The following GFRA2 variants were observed in gnomAD, a reference collection of about 807,000 sequenced individuals.
The protein encoded by GFRA2 is GDNF family receptor alpha-2.
A neutral mutation model predicts 48.3 loss-of-function variants in GFRA2; 17 were observed. That is an observed-to-expected ratio of 0.35 (90% CI 0.24 to 0.53). The LOEUF is 0.53. GFRA2 is among the 20% of genes least tolerant of loss of function. GFRA2 has a pLI of 0.93. For missense variants in GFRA2, 660 were observed against 637.3 expected, an observed-to-expected ratio of 1.04 and a Z score of -0.38; for synonymous variants, 305 against 257.2, an observed-to-expected ratio of 1.19 and a Z score of -1.78.
intron 4 of GFRA2, among the ~76,000 whole-genome samples, chr8:21,722,597 C>T (rs770908067): frequency 7.2e-5 from 11 of 152,190 alleles, no homozygotes; most frequent in Non-Finnish European, 1.6e-4. Flanking sequence ...GTCTCGCCCG[C>T]ATGCAGTGAG....
intron 7 of GFRA2, among the ~76,000 whole-genome samples, chr8:21,696,927 G>A (rs1399036326): frequency 7.7e-6 from 1 of 129,738 alleles, no homozygotes; most frequent in Admixed American, 7.8e-5. Flanking sequence ...ATAGTAGAGG[G>A]AAGGGGACAG....
intron 1 of GFRA2, among the ~76,000 whole-genome samples, 185 bp downstream of exon 1, chr8:21,787,935 G>A (rs1045105513): frequency 6.2e-4 from 94 of 151,952 alleles, no homozygotes; most frequent in South Asian, 1.7e-3. Context: ...AGCCAGCCGC[G>A]GCTCCGGTCC....
intron 2 of GFRA2, chr8:21,797,794 C>G (rs1446289994): frequency 2.6e-5 from 4 of 152,172 alleles, no homozygotes; most frequent in Admixed American, 2.6e-4. Context: ...ATGGAATTTG[C>G]CTTTCCATAA....
At position 21,743,800 on chromosome 8, in the gene GFRA2, C is replaced by A. The variant is rs116129692; in HGVS notation, c.794+6788G>T. 8.2e-3 allele frequency among the ~76,000 whole-genome samples: 1,245 copies of A among 152,260 alleles called. 15 individuals carry two copies. Among genetic ancestry groups the A allele is most frequent in the African/African-American group, 0.028 (1,176 of 41,546 alleles). ...GCCCTCTTTGCTACTGAGCCAGGAG[C>A]CAGACTCAAAATCCTTCTCTAGGGA... On this transcript the variant is annotated intron_variant, in intron 4 of 8. Transcript: ENST00000524240.
In GFRA2 at chr8:21,788,854, G is replaced by GCTCTCGCTCTCTCCAGCTCT; in HGVS notation, c.-715_-696dup. 1.1e-6 allele frequency: 1 copy of GCTCTCGCTCTCTCCAGCTCT among 935,754 alleles called. No homozygotes were observed. The highest frequency in any genetic ancestry group is 1.3e-6 in the Non-Finnish European group (1 of 785,108). 58.0% of individuals were successfully genotyped at this position (935,754 alleles called of 1,614,324 possible). The stretch of plus-strand genomic sequence containing the variant: ...CTCTCCTCTCCCTCGCTCGCTCTTT[G>GCTCTCGCTCTCTCCAGCTCT]CTCTCGCTCTCTCCAGCTCTCCCTC... On this transcript the variant is annotated 5_prime_UTR_variant, in exon 1 of 9. Transcript: ENST00000524240.
upstream of GFRA2, among the ~76,000 whole-genome samples, chr8:21,793,190 G>T (rs993774913): frequency 1.3e-5 from 2 of 152,232 alleles, no homozygotes; most frequent in Non-Finnish European, 2.9e-5. Context: ...ACCAAGCCTT[G>T]CAGTCTTCAG....
intron 4 of GFRA2, among the ~76,000 whole-genome samples, chr8:21,739,708 G>A (rs982864228): frequency 3.9e-5 from 6 of 152,036 alleles, no homozygotes; most frequent in African/African-American, 1.2e-4. Flanking sequence ...AGGCTGCCAC[G>A]GGAAAGGCCA....
At chr8:21,712,046 T>C (rs896193525) in intron 4 of GFRA2, among the ~76,000 whole-genome samples, 26 of 152,354 alleles carry the variant, frequency 1.7e-4, no homozygotes, top group African/African-American at 5.3e-4. Context: ...TTTTTCTTAG[T>C]ACAGAACAAA....
At chr8:21,719,707 T>A (rs542117501) in intron 4 of GFRA2, among the ~76,000 whole-genome samples, 1 of 152,358 alleles carries the variant, frequency 6.6e-6, no homozygotes, top group South Asian at 2.1e-4. Flanking sequence ...TTCAACTTTC[T>A]CTGAATGCTG....
chr8:21,722,698 C>T (rs1803661410), intron 4 of GFRA2, among the ~76,000 whole-genome samples: 1 of 152,202 alleles, frequency 6.6e-6, no homozygotes, highest in African/African-American at 2.4e-5. Context: ...GTGAAAGAGT[C>T]CCCTTTCCCC....
At chr8:21,728,256 G>A (rs1025043025) in intron 4 of GFRA2, among the ~76,000 whole-genome samples, 1 of 148,274 alleles carries the variant, frequency 6.7e-6, no homozygotes, top group Non-Finnish European at 1.5e-5. Flanking sequence ...CACAGACTCC[G>A]GGAACCAGGT....
intron 4 of GFRA2, among the ~76,000 whole-genome samples, chr8:21,744,474 C>T (rs571463150): frequency 6.6e-6 from 1 of 152,014 alleles, no homozygotes; most frequent in South Asian, 2.1e-4. Context: ...CAGAGGACCG[C>T]TTCCAAATGA....
At chr8:21,799,455 C>G (rs749220429) in intron 2 of GFRA2, among the ~76,000 whole-genome samples, 2 of 152,108 alleles carry the variant, frequency 1.3e-5, no homozygotes, top group African/African-American at 2.4e-5. Flanking sequence ...GTTGGCCTAC[C>G]AAAGTGCTGG....
At chr8:21,727,102 T>G (rs1298077491) in intron 4 of GFRA2, among the ~76,000 whole-genome samples, 2 of 152,158 alleles carry the variant, frequency 1.3e-5, no homozygotes, top group Non-Finnish European at 2.9e-5. Context: ...CGGGTGGACA[T>G]AAATGTTGGG....
At chr8:21,740,012 G>T (rs1354685382) in intron 4 of GFRA2, among the ~76,000 whole-genome samples, 4 of 152,334 alleles carry the variant, frequency 2.6e-5, no homozygotes, top group African/African-American at 9.6e-5. Flanking sequence ...GCCCAGGGAG[G>T]ACATGGCGGG....
intron 2 of GFRA2, 95 bp from the exon 3 acceptor site, chr8:21,775,150 G>A (rs1806633855): frequency 4.2e-6 from 3 of 706,344 alleles, no homozygotes; most frequent in African/African-American, 1.7e-5. Flanking sequence ...TCTACCAGGG[G>A]AAAGCTCGTG....
chr8:21,772,470 G>A (rs1012232093), intron 3 of GFRA2, among the ~76,000 whole-genome samples: 11 of 152,256 alleles, frequency 7.2e-5, no homozygotes, highest in Middle Eastern at 3.4e-3. Flanking sequence ...ACTGTGCCCA[G>A]CCCCAGCTTG....
chr8:21,790,137 G>A (rs1807523932), upstream of GFRA2: 1 of 979,812 alleles, frequency 1.0e-6, no homozygotes, highest in Non-Finnish European at 1.2e-6. Context: ...GTCTGGCTGG[G>A]AAAGGGCTGG....
Position 21,786,430 on chromosome 8 carries a change from T to G in GFRA2, c.40+1690A>C, listed in dbSNP as rs940004747. ...GGCTGTTTTGCCTGAAATACAATTT[T>G]TTTTTCACCTTGGCCCTGATCATGC... On this transcript the variant is annotated intron_variant, in intron 1 of 8. Coordinates refer to ENST00000524240, the MANE Select transcript of GFRA2 (RefSeq NM_001495.5). Among the ~76,000 whole-genome samples the G allele has an allele frequency of 6.5e-4, 99 of 152,360 alleles. 1 individual carries two copies. Among genetic ancestry groups the G allele is most frequent in the African/African-American group, 2.1e-3 (89 of 41,584 alleles).
Sources: allele counts gnomAD v4.1 joint callset (sites outside exome capture counted in the v4.1 genomes callset), GRCh38; gene constraint gnomAD v4.1.1; transcripts MANE v1.5; gene names NCBI Gene and HGNC (gene_info 2026-07-23, HGNC 2026-07-21).